Variants in TCTN2 observed in about 807,000 individuals in gnomAD.
TCTN2 encodes the protein tectonic family member 2, also known as tectonic-2.
Under a neutral mutation model 83.4 loss-of-function variants are expected in TCTN2, and 66 were observed. The observed-to-expected ratio is 0.79, with a 90% CI of 0.65 to 0.97. The LOEUF (loss-of-function observed/expected upper bound fraction) is 0.97. TCTN2 is among the 50% of genes least tolerant of loss of function. The pLI is 0.00. For synonymous variants in TCTN2, 301 were observed against 326.7 expected, an observed-to-expected ratio of 0.92 and a Z score of 0.85; for missense variants, 794 against 858.1, an observed-to-expected ratio of 0.93 and a Z score of 0.93.
At chr12:123,675,478 C>T (rs375146922) in intron 4 of TCTN2, among the ~76,000 whole-genome samples, 4 of 152,228 alleles carry the variant, frequency 2.6e-5, no homozygotes, top group South Asian at 4.1e-4. Flanking sequence ...CCTTTACTGC[C>T]GCTTCCCTTA....
rs1024100197 is a variant in TCTN2, at chr12:123,708,330, T to A, written c.*617T>A. 6.5e-5 allele frequency: 10 copies of A among 154,548 alleles called. No individual in the cohort carries two copies. The highest frequency in any genetic ancestry group is 2.4e-4 in the African/African-American group (10 of 41,420). 9.6% of individuals were successfully genotyped at this position (154,548 alleles called of 1,614,324 possible). On this transcript the variant is annotated 3_prime_UTR_variant, in exon 18 of 18. Coordinates refer to ENST00000303372, the MANE Select transcript of TCTN2 (RefSeq NM_024809.5). ...CAAAGACTTTAGACCTTGACTTCAGTGATTTGTTGTAGTCTTGTATGCTTC... is the reference window on the plus strand; with the variant it reads ...CAAAGACTTTAGACCTTGACTTCAGAGATTTGTTGTAGTCTTGTATGCTTC...
At chr12:123,701,612 G>T (rs1397906934) in intron 14 of TCTN2, among the ~76,000 whole-genome samples, 1 of 151,872 alleles carries the variant, frequency 6.6e-6, no homozygotes, top group Non-Finnish European at 1.5e-5. Flanking sequence ...GCGTGGTGGT[G>T]GGCGCCTGTA....
chr12:123,697,073 T>A lies in TCTN2; in HGVS notation c.1394-14T>A. The A allele has an allele frequency of 6.2e-7, 1 of 1,603,738 alleles. No homozygotes were observed. Among genetic ancestry groups the A allele is most frequent in the Non-Finnish European group, 8.5e-7 (1 of 1,170,624 alleles). ...AGCAAAAAGTAGCAAGAGGATAATC[T>A]TTTTCTTTTATAGCTGGAAGGGGTC... is the stretch of plus-strand genomic sequence containing the variant. On this transcript the variant is annotated splice_polypyrimidine_tract_variant and intron_variant, in intron 12 of 17. Coordinates refer to ENST00000303372, the MANE Select transcript of TCTN2 (RefSeq NM_024809.5).
intron 14 of TCTN2, 129 bp from the exon 15 acceptor site, chr12:123,704,403 C>G (rs1956205511): frequency 6.6e-6 from 6 of 909,766 alleles, no homozygotes; most frequent in Non-Finnish European, 1.0e-5. Flanking sequence ...GTAACTAGAG[C>G]CTGTAAGAGA....
intron 5 of TCTN2, among the ~76,000 whole-genome samples, chr12:123,683,805 A>AT (rs1331727013): frequency 6.6e-6 from 1 of 151,898 alleles, no homozygotes; most frequent in Non-Finnish European, 1.5e-5. Flanking sequence ...TGCTCAGCTA[A>AT]TTTTTTGTAT....
chr12:123,672,492 T>C (rs1955767314), intron 3 of TCTN2, among the ~76,000 whole-genome samples: 1 of 151,982 alleles, frequency 6.6e-6, no homozygotes, highest in African/African-American at 2.4e-5. Context: ...TCATAGCGCT[T>C]TGGGAGATTG....
chr12:123,686,364 G>T (rs1955967427), intron 5 of TCTN2, among the ~76,000 whole-genome samples: 1 of 149,414 alleles, frequency 6.7e-6, no homozygotes, highest in South Asian at 2.1e-4. Flanking sequence ...ATTTCTTGAT[G>T]ACATTAATTG....
At chr12:123,705,028 C>T (rs927195576) in intron 15 of TCTN2, among the ~76,000 whole-genome samples, 1 of 152,076 alleles carries the variant, frequency 6.6e-6, no homozygotes, top group Non-Finnish European at 1.5e-5. Flanking sequence ...GAGACTTTGG[C>T]AGCAGATAGG....
chr12:123,673,533 A>G lies in TCTN2; in HGVS notation c.268-82A>G, dbSNP rs7978447. 0.36 allele frequency: 492,416 copies of G among 1,357,402 alleles called. 93,939 individuals are homozygous for G. The highest frequency in any genetic ancestry group is 0.41 in the African/African-American group (28,659 of 69,748). 84.1% of individuals were successfully genotyped at this position (1,357,402 alleles called of 1,614,324 possible). ...ATAAAATGAACGGAGGCTGATGTGT[A>G]CTTTTATTGTGTTTTCCATTATGTA... On this transcript the variant is annotated intron_variant, in intron 3 of 17. Transcript: ENST00000303372.
At chr12:123,695,504 C>T (rs1206759632) in intron 11 of TCTN2, 2 of 449,582 alleles carry the variant, frequency 4.4e-6, no homozygotes, top group East Asian at 4.1e-5. Context: ...TCACTGCAAC[C>T]TGCACCTCCT....
chr12:123,671,930 T>C, intron 2 of TCTN2, 126 bp from the exon 3 acceptor site: 1 of 835,810 alleles, frequency 1.2e-6, no homozygotes, highest in South Asian at 1.3e-5. Flanking sequence ...ACTGTCCCAG[T>C]GTCAAGCAGC....
intron 15 of TCTN2, among the ~76,000 whole-genome samples, chr12:123,705,025 T>A (rs1400807010): frequency 6.6e-6 from 1 of 152,170 alleles, no homozygotes. Context: ...TTAGAGACTT[T>A]GGCAGCAGAT....
chr12:123,693,963 A>G (rs1047894312), intron 9 of TCTN2, among the ~76,000 whole-genome samples: 2 of 149,298 alleles, frequency 1.3e-5, no homozygotes, highest in African/African-American at 4.9e-5. Flanking sequence ...GATTACAGGC[A>G]CCTGCCACCA....
chr12:123,674,534 C>T (rs1955797110), intron 4 of TCTN2, among the ~76,000 whole-genome samples: 1 of 152,214 alleles, frequency 6.6e-6, no homozygotes, highest in Non-Finnish European at 1.5e-5. Context: ...TCCCAAAGTG[C>T]TGGGATTACA....
At position 123,694,862 on chromosome 12, in the gene TCTN2, T is replaced by C; in HGVS notation, c.1120T>C (p.Ser374Pro). ...TGCAGAAACTCCTTTAAATAACGGA[T>C]CAACCCCTAGAATTGTGAATGTGGA... is the stretch of plus-strand genomic sequence containing the variant. Reference protein sequence around the residue: ...TNTETPLNNGSTPRIVNVEEH... With the variant: ...TNTETPLNNGPTPRIVNVEEH... The change falls in exon 10 of 18, where the codon TCA becomes CCA. Residue 374 changes from serine (S) to proline (P), a missense_variant. By Grantham distance (74) the Ser-to-Pro change is moderately conservative. Transcript: ENST00000303372. 1 of 1,613,070 alleles carries C rather than the reference T, an allele frequency of 6.2e-7. No homozygotes were observed. Among genetic ancestry groups the C allele is most frequent in the Non-Finnish European group, 8.5e-7 (1 of 1,179,234 alleles).
intron 14 of TCTN2, among the ~76,000 whole-genome samples, chr12:123,701,615 C>T (rs949372394): frequency 6.6e-6 from 1 of 151,458 alleles, no homozygotes; most frequent in Non-Finnish European, 1.5e-5. Flanking sequence ...TGGTGGTGGG[C>T]GCCTGTAGTC....
At chr12:123,694,273 G>T (rs113350030) in intron 9 of TCTN2, among the ~76,000 whole-genome samples, 10 of 152,206 alleles carry the variant, frequency 6.6e-5, no homozygotes, top group South Asian at 6.2e-4. Flanking sequence ...GATTACAGGC[G>T]TGAGCCACCG....
intron 5 of TCTN2, among the ~76,000 whole-genome samples, chr12:123,683,575 T>A (rs1195289655): frequency 1.3e-5 from 2 of 152,100 alleles, no homozygotes. Context: ...TCACCGTGGC[T>A]GGCCTTTTCT....
intron 5 of TCTN2, among the ~76,000 whole-genome samples, chr12:123,682,628 C>T (rs11614155): frequency 0.3 from 45,821 of 151,638 alleles, 7,537 homozygotes; most frequent in Non-Finnish European, 0.38. Flanking sequence ...ATTACAGGTG[C>T]GTGCCACCAC....
Sources: allele counts gnomAD v4.1 joint callset (sites outside exome capture counted in the v4.1 genomes callset), GRCh38; gene constraint gnomAD v4.1.1; transcripts MANE v1.5; gene names NCBI Gene and HGNC (gene_info 2026-07-23, HGNC 2026-07-21).